Variants in RTL9 observed in about 807,000 individuals in gnomAD.
RTL9 encodes the protein retrotransposon Gag-like protein 9.
A neutral mutation model predicts 44.7 loss-of-function variants in RTL9; 19 were observed. That is an observed-to-expected ratio of 0.42 (90% CI 0.30 to 0.62). The LOEUF (loss-of-function observed/expected upper bound fraction) is 0.62. RTL9 is among the 20% of genes least tolerant of loss of function. The probability of loss-of-function intolerance (pLI) is 0.16; values close to 1 mark genes in which losing one functional copy is unlikely to be tolerated. For missense variants in RTL9, 1,105 were observed against 1,080.6 expected (o/e 1.02, Z -0.32); for synonymous variants, 407 against 398.9 (o/e 1.02, Z -0.24).
At chrX:110,417,953 A>G (rs1280521392), upstream of RTL9, among the ~76,000 whole-genome samples, 1 of 112,819 alleles carries the variant, frequency 8.9e-6, no homozygotes, top group Non-Finnish European at 1.9e-5. Flanking sequence ...ACAGGGTGCC[A>G]TGTTCAGGGG....
At chrX:110,378,321 C>T (rs1452082648) in intron 1 of RTL9, among the ~76,000 whole-genome samples, 2 of 111,190 alleles carry the variant, frequency 1.8e-5, no homozygotes, top group African/African-American at 6.6e-5. Context: ...GGGCAGTACC[C>T]TAGTTCAGTT....
upstream of RTL9, among the ~76,000 whole-genome samples, chrX:110,446,192 G>T (rs1447270130): frequency 9.0e-6 from 1 of 111,712 alleles, no homozygotes; most frequent in Non-Finnish European, 1.9e-5. Flanking sequence ...AATGGGACTT[G>T]CGGGGAATGG....
In RTL9 at chrX:110,369,741, A is replaced by G. The variant is rs1372546905; in HGVS notation, c.-168+10825A>G. 4.5e-5 allele frequency among the ~76,000 whole-genome samples: 5 copies of G among 112,143 alleles called. No homozygotes were observed. In the Admixed American group the frequency reaches 4.7e-4, roughly 11 times the overall value. On this transcript the variant is annotated intron_variant, in intron 1 of 2. Transcript: ENST00000520821. ...ATTATACACACATATCTCCATGTGT[A>G]TAATTCATTTTTAAACTGTACACAC...
intron 1 of RTL9, 40 bp from the exon 2 acceptor site, chrX:110,445,113 A>C (rs944490815): frequency 8.9e-6 from 1 of 112,355 alleles, no homozygotes; most frequent in Non-Finnish European, 1.9e-5. Context: ...TTTTCTTTGG[A>C]GCTACCCAGA....
intron 1 of RTL9, among the ~76,000 whole-genome samples, chrX:110,361,513 A>G (rs1196408009): frequency 9.0e-6 from 1 of 110,867 alleles, no homozygotes; most frequent in African/African-American, 3.3e-5. Flanking sequence ...AACTCCTCCA[A>G]TGGCTTCCCA....
intron 1 of RTL9, among the ~76,000 whole-genome samples, chrX:110,371,641 C>G (rs1020262570): frequency 9.0e-6 from 1 of 111,184 alleles, no homozygotes; most frequent in Non-Finnish European, 1.9e-5. Flanking sequence ...GACTGGAGAT[C>G]AGAGACAGGT....
At chrX:110,415,624 A>G (rs1385146317), upstream of RTL9, among the ~76,000 whole-genome samples, 1 of 111,244 alleles carries the variant, frequency 9.0e-6, no homozygotes, top group Non-Finnish European at 1.9e-5. Context: ...TCAGGTTTGC[A>G]TGGTCAGGAA....
chrX:110,453,690 G>A, exon 1 of RTL9: 1 of 1,211,852 alleles, frequency 8.3e-7, no homozygotes, highest in Non-Finnish European at 1.1e-6. Context: ...CTCTGCTTCT[G>A]GAGCAAGGTC....
intron 1 of RTL9, among the ~76,000 whole-genome samples, chrX:110,395,217 C>T (rs2068520796): frequency 8.9e-6 from 1 of 112,177 alleles, no homozygotes; most frequent in African/African-American, 3.2e-5. Flanking sequence ...AGAGGGTCTC[C>T]ACTTCTGCCA....
intron 1 of RTL9, among the ~76,000 whole-genome samples, chrX:110,413,403 T>C (rs2068655073): frequency 1.8e-5 from 2 of 110,925 alleles, no homozygotes; most frequent in South Asian, 7.8e-4. Context: ...CTTCCCCTGT[T>C]TGCTTCCAGG....
In RTL9 at chrX:110,419,519, T is replaced by C. The variant is rs758350382; in HGVS notation, c.-168+384T>C. 5.3e-5 allele frequency among the ~76,000 whole-genome samples: 6 copies of C among 112,941 alleles called. No individual in the cohort carries two copies. In the East Asian group the frequency reaches 1.7e-3, roughly 31 times the overall value. ...TCTATTTATATTTGTCTATTTATGG[T>C]ATGTCTCTCCCACTGGAATGTAAGC... On this transcript the variant is annotated intron_variant, in intron 1 of 3. Coordinates refer to the RTL9 transcript ENST00000465301.
chrX:110,415,664 T>C, upstream of RTL9, among the ~76,000 whole-genome samples: 1 of 111,308 alleles, frequency 9.0e-6, no homozygotes, highest in Non-Finnish European at 1.9e-5. Flanking sequence ...TTTGCTGGAA[T>C]AAAAAGATAA....
chrX:110,385,528 C>G (rs1569419526), intron 1 of RTL9, among the ~76,000 whole-genome samples: 2 of 111,726 alleles, frequency 1.8e-5, no homozygotes, highest in East Asian at 2.8e-4. Flanking sequence ...TCCCTCTCCC[C>G]CTTCCCAGCT....
rs189077894 is a variant in RTL9 at position 110,394,581 on chromosome X, C to T, written c.-168+35665C>T. 2.7e-3 allele frequency among the ~76,000 whole-genome samples: 299 copies of T among 112,526 alleles called. 1 individual carries two copies. The highest frequency in any genetic ancestry group is 8.8e-3 in the African/African-American group (274 of 30,977). ...CTACAGTAAAATTAGTTTTGTTATT[C>T]GTTGTTTCACTTAAAGTCCAGTTCC... is the stretch of plus-strand genomic sequence containing the variant. On this transcript the variant is annotated intron_variant, in intron 1 of 2. Coordinates refer to the RTL9 transcript ENST00000520821.
chrX:110,442,025 C>T (rs971848679), intron 1 of RTL9, among the ~76,000 whole-genome samples: 2 of 111,161 alleles, frequency 1.8e-5, no homozygotes, highest in Admixed American at 1.9e-4. Flanking sequence ...CAGTTCAGCT[C>T]TTATCCACCT....
chrX:110,455,374 C>T, exon 2 of RTL9: 3 of 1,186,799 alleles, frequency 2.5e-6, no homozygotes, highest in Non-Finnish European at 3.4e-6. Flanking sequence ...AACTGGAGGA[C>T]TGGTTCCTGG....
intron 1 of RTL9, among the ~76,000 whole-genome samples, chrX:110,401,433 C>T (rs1034777621): frequency 1.8e-5 from 2 of 111,827 alleles, no homozygotes; most frequent in African/African-American, 6.5e-5. Context: ...AAGACCTTGA[C>T]CTCTGGTTTG....
exon 1 of RTL9, chrX:110,450,616 A>G: frequency 1.7e-6 from 2 of 1,205,542 alleles, no homozygotes; most frequent in Non-Finnish European, 1.1e-6. Context: ...GCTGTGGCAG[A>G]TATGTCAATA....
intron 1 of RTL9, among the ~76,000 whole-genome samples, chrX:110,402,798 T>C (rs1269215391): frequency 8.9e-6 from 1 of 111,763 alleles, no homozygotes; most frequent in Non-Finnish European, 1.9e-5. Context: ...TAGGTGATGG[T>C]TGGGGGTAAG....
Sources: gnomAD v4.1 joint callset for allele counts (sites outside exome capture counted in the v4.1 genomes callset) on GRCh38, gnomAD v4.1.1 for gene constraint, MANE v1.5 for transcripts, NCBI Gene and HGNC (gene_info 2026-07-23, HGNC 2026-07-21) for gene names.